The following SRPK1 variants were observed in gnomAD, a reference collection of about 807,000 sequenced individuals.
The protein encoded by SRPK1 is SRSF protein kinase 1, also known as SFRS protein kinase 1.
A neutral mutation model predicts 89.5 loss-of-function variants in SRPK1; 52 were observed. That is an observed-to-expected ratio of 0.58 (90% CI 0.46 to 0.73). The LOEUF (loss-of-function observed/expected upper bound fraction) is 0.73. SRPK1 is among the 30% of genes least tolerant of loss of function. The pLI is 0.00. For synonymous variants in SRPK1, 255 were observed against 270.2 expected (o/e 0.94, Z 0.55); for missense variants, 603 against 780.6 (o/e 0.77, Z 2.71).
intron 13 of SRPK1, among the ~76,000 whole-genome samples, chr6:35,848,488 C>T (rs1456422094): frequency 6.6e-6 from 1 of 152,170 alleles, no homozygotes; most frequent in East Asian, 1.9e-4. Flanking sequence ...GCCCAGGAAG[C>T]GGAGGCTGAA....
intron 11 of SRPK1, among the ~76,000 whole-genome samples, 179 bp from the exon 12 acceptor site, chr6:35,869,289 C>A (rs1214250589): frequency 1.3e-5 from 2 of 152,186 alleles, no homozygotes; most frequent in African/African-American, 4.8e-5. Context: ...AACCTCTGCC[C>A]TCACAGCAAC....
chr6:35,842,923 C>T (rs1170011672), intron 13 of SRPK1, among the ~76,000 whole-genome samples: 1 of 151,604 alleles, frequency 6.6e-6, no homozygotes, highest in African/African-American at 2.4e-5. Flanking sequence ...AGGGGCATAC[C>T]TGGATATTAA....
chr6:35,870,275 T>C lies in SRPK1; in HGVS notation c.991+6A>G. On this transcript the variant is annotated splice_donor_region_variant and intron_variant, in intron 10 of 15. Coordinates refer to ENST00000373825, the MANE Select transcript of SRPK1 (RefSeq NM_003137.5). The stretch of plus-strand genomic sequence containing the variant: ...TACAGTAATTTTCGTGATGTTCTAT[T>C]TATACCAAGTTTTTCTTGGGTCATT... 6.2e-7 allele frequency: 1 copy of C among 1,610,422 alleles called. No individual in the cohort carries two copies. Among genetic ancestry groups the C allele is most frequent in the East Asian group, 2.2e-5 (1 of 44,874 alleles).
At chr6:35,838,018 G>A (rs1271974064) in intron 15 of SRPK1, among the ~76,000 whole-genome samples, 1 of 151,884 alleles carries the variant, frequency 6.6e-6, no homozygotes, top group African/African-American at 2.4e-5. Flanking sequence ...ACAGGCGCCC[G>A]CCACTCTTCC....
At chr6:35,885,288 C>CACAT (rs1561985844) in intron 6 of SRPK1, among the ~76,000 whole-genome samples, 2 of 135,234 alleles carry the variant, frequency 1.5e-5, no homozygotes, top group Non-Finnish European at 1.6e-5. Context: ...CACACACACA[C>CACAT]ACACACACAC....
intron 13 of SRPK1, among the ~76,000 whole-genome samples, chr6:35,851,669 A>G (rs1163319597): frequency 6.6e-6 from 1 of 152,158 alleles, no homozygotes; most frequent in Non-Finnish European, 1.5e-5. Context: ...TGAAAATGTT[A>G]CATTTGAGAT....
chr6:35,903,337 C>T (rs1309315679), intron 2 of SRPK1, among the ~76,000 whole-genome samples: 3 of 152,012 alleles, frequency 2.0e-5, no homozygotes, highest in African/African-American at 7.2e-5. Flanking sequence ...CCTGGTGAAA[C>T]CCCACCTCTA....
intron 2 of SRPK1, among the ~76,000 whole-genome samples, chr6:35,895,098 G>A (rs1770602789): frequency 6.6e-6 from 1 of 151,842 alleles, no homozygotes; most frequent in African/African-American, 2.4e-5. Context: ...CTAACAATAT[G>A]ATAAAAAAGA....
chr6:35,855,392 T>C (rs546559217), intron 13 of SRPK1, among the ~76,000 whole-genome samples: 1 of 152,042 alleles, frequency 6.6e-6, no homozygotes, highest in Non-Finnish European at 1.5e-5. Flanking sequence ...ATCATCTCTA[T>C]TAGCTTTGAA....
chr6:35,886,498 T>G (rs981245161), intron 6 of SRPK1, among the ~76,000 whole-genome samples: 1 of 152,222 alleles, frequency 6.6e-6, no homozygotes, highest in Non-Finnish European at 1.5e-5. Flanking sequence ...TTGATTTCGC[T>G]TTAATTTGCC....
chr6:35,905,103 C>A, intron 2 of SRPK1: 1 of 233,458 alleles, frequency 4.3e-6, no homozygotes, highest in Non-Finnish European at 8.5e-6. Context: ...CCTATGATCA[C>A]ACCACTGTAC....
chr6:35,865,029 G>C (rs1335771928), intron 12 of SRPK1, among the ~76,000 whole-genome samples: 1 of 152,176 alleles, frequency 6.6e-6, no homozygotes, highest in African/African-American at 2.4e-5. Context: ...ATGGTTACCA[G>C]AGGCTGGGAA....
chr6:35,874,122 C>T (rs1032575722), intron 7 of SRPK1, 111 bp downstream of exon 7: 18 of 864,462 alleles, frequency 2.1e-5, no homozygotes, highest in South Asian at 2.0e-4. Flanking sequence ...CCACCACACC[C>T]GGCCTTAAAA....
At position 35,893,386 on chromosome 6, in the gene SRPK1, G is replaced by A. The variant is rs982605256; in HGVS notation, c.75-2373C>T. Among the ~76,000 whole-genome samples the A allele has an allele frequency of 3.9e-5, 6 of 152,098 alleles. No individual in the cohort carries two copies. The East Asian group carries it at 1.2e-3, about 29-fold the overall frequency. On this transcript the variant is annotated intron_variant, in intron 2 of 15. Coordinates refer to ENST00000373825, the MANE Select transcript of SRPK1 (RefSeq NM_003137.5). ...TGTAGTCCCAGCTACTCGGGGAACT[G>A]AGGTGGGAGGAATGCTTGAAGCTGC...
At chr6:35,884,896 AG>A (rs1439413680) in intron 6 of SRPK1, among the ~76,000 whole-genome samples, 1 of 152,138 alleles carries the variant, frequency 6.6e-6, no homozygotes, top group Admixed American at 6.5e-5. Flanking sequence ...GCTACTCGGG[AG>A]GCTGAGGCAG....
chr6:35,841,560 G>A (rs754607393), intron 14 of SRPK1, among the ~76,000 whole-genome samples: 4 of 150,932 alleles, frequency 2.7e-5, no homozygotes, highest in Non-Finnish European at 4.4e-5. Context: ...TTGGCTGAGC[G>A]TGATGGCTCA....
intron 15 of SRPK1, among the ~76,000 whole-genome samples, chr6:35,836,785 A>ATT (rs1561963495): frequency 7.6e-6 from 1 of 131,328 alleles, no homozygotes; most frequent in African/African-American, 3.0e-5. Flanking sequence ...TAATAATAAT[A>ATT]ATTTTTTTTA....
intron 4 of SRPK1, among the ~76,000 whole-genome samples, chr6:35,888,568 C>T (rs372713683): frequency 3.3e-5 from 5 of 152,220 alleles, no homozygotes; most frequent in East Asian, 3.9e-4. Context: ...AAAAATCAAA[C>T]GACAAAAGCT....
At chr6:35,878,185 C>G (rs1404124563) in intron 6 of SRPK1, among the ~76,000 whole-genome samples, 2 of 152,134 alleles carry the variant, frequency 1.3e-5, no homozygotes, top group Non-Finnish European at 2.9e-5. Context: ...CCCCTAAGTG[C>G]TTAGATTCTG....
Sources: allele counts gnomAD v4.1 joint callset (sites outside exome capture counted in the v4.1 genomes callset), GRCh38; gene constraint gnomAD v4.1.1; transcripts MANE v1.5; gene names NCBI Gene and HGNC (gene_info 2026-07-23, HGNC 2026-07-21).